XRCC5: variants seen among roughly 807,000 people sequenced by gnomAD.
The protein encoded by XRCC5 is DNA repair protein Ku80.
XRCC5 carries 12 observed loss-of-function variants against 95.7 expected under a neutral mutation model. The observed-to-expected ratio is 0.13, with a 90% CI of 0.08 to 0.20. XRCC5 has a LOEUF of 0.20. XRCC5 is among the 10% of genes least tolerant of loss of function. The pLI is 1.00. For synonymous variants in XRCC5, 281 were observed against 290.3 expected (o/e 0.97, Z 0.33); for missense variants, 595 against 873.9 (o/e 0.68, Z 4.02).
At chr2:216,110,523 G>A (rs941265367) in intron 1 of XRCC5, 3 of 152,206 alleles carry the variant, frequency 2.0e-5, no homozygotes, top group African/African-American at 7.2e-5. Context: ...TGAACTGGAA[G>A]TAAAATTCTA....
chr2:216,131,096 T>C (rs1490672657), intron 9 of XRCC5, 109 bp downstream of exon 9: 8 of 1,420,656 alleles, frequency 5.6e-6, no homozygotes, highest in Non-Finnish European at 6.5e-6. Flanking sequence ...CTTTTAATTT[T>C]TCTAAAATGT....
chr2:216,174,017 G>A lies in XRCC5; in HGVS notation c.1834+11969G>A, dbSNP rs531547093. Among the ~76,000 whole-genome samples, 11 of 152,258 alleles carry A rather than the reference G, an allele frequency of 7.2e-5. No homozygotes were observed. In the South Asian group the frequency reaches 1.9e-3, roughly 26 times the overall value. On this transcript the variant is annotated intron_variant, in intron 16 of 20. Coordinates refer to ENST00000392132, the MANE Select transcript of XRCC5 (RefSeq NM_021141.4). ...TTTCTTGTTTTGTGTGATGTCTTTG[G>A]TTTTGGTAACAGGAAAATACTGGAC... is the stretch of plus-strand genomic sequence containing the variant.
chr2:216,201,457 T>C (rs1689832101), intron 19 of XRCC5, among the ~76,000 whole-genome samples: 1 of 152,198 alleles, frequency 6.6e-6, no homozygotes. Flanking sequence ...GCAGTTTCTA[T>C]ATAGAGGTTA....
At position 216,148,166 on chromosome 2, in the gene XRCC5, T is replaced by C; in HGVS notation, c.1560T>C (p.Ala520=). ...TTTGGAATATGCTGAATCCTCCCGCTGAGGTGACAACAAAAAGTCAGATTC... is the reference window on the plus strand; with the variant it reads ...TTTGGAATATGCTGAATCCTCCCGCCGAGGTGACAACAAAAAGTCAGATTC... ...QHIWNMLNPP[A]EVTTKSQIPL... is the part of the protein sequence containing the mutation. Residue 520 remains alanine, a synonymous_variant, in exon 14 of 21, where the codon GCT becomes GCC. Transcript: ENST00000392132. 6.2e-7 allele frequency: 1 copy of C among 1,614,148 alleles called. No individual in the cohort carries two copies. Among genetic ancestry groups the C allele is most frequent in the Non-Finnish European group, 8.5e-7 (1 of 1,180,006 alleles).
At position 216,179,885 on chromosome 2, in the gene XRCC5, A is replaced by T. The variant is rs550095531; in HGVS notation, c.1835-10340A>T. On this transcript the variant is annotated intron_variant, in intron 16 of 20. Coordinates refer to ENST00000392132, the MANE Select transcript of XRCC5 (RefSeq NM_021141.4). ...AAAAGGGCAAGGTTGAGGTAGGCAG[A>T]TGAGTTAGAAGGCTTCGGCGTTAAT... Among the ~76,000 whole-genome samples the T allele has an allele frequency of 2.6e-5, 4 of 152,338 alleles. No homozygotes were observed. The South Asian group carries it at 8.3e-4, about 32-fold the overall frequency.
intron 13 of XRCC5, among the ~76,000 whole-genome samples, chr2:216,145,579 A>AT (rs1051416259): frequency 6.6e-6 from 1 of 152,122 alleles, no homozygotes; most frequent in Non-Finnish European, 1.5e-5. Context: ...TCATAATCCC[A>AT]TTTTTTTAGT....
At chr2:216,183,741 G>A (rs751725694) in intron 16 of XRCC5, among the ~76,000 whole-genome samples, 7 of 152,150 alleles carry the variant, frequency 4.6e-5, no homozygotes, top group Non-Finnish European at 8.8e-5. Flanking sequence ...TCTAGAAGGT[G>A]GAAGAACTGT....
intron 15 of XRCC5, 99 bp from the exon 16 acceptor site, chr2:216,161,880 A>C (rs974104221): frequency 2.1e-6 from 2 of 966,262 alleles, no homozygotes. Flanking sequence ...GTTTTATTTT[A>C]TAAGAGCACA....
At position 216,156,377 on chromosome 2, in the gene XRCC5, A is replaced by C. The variant is rs541683472; in HGVS notation, c.1671-3691A>C. The C allele has an allele frequency of 9.2e-5, 72 of 784,794 alleles. No homozygotes were observed. In the African/African-American group the frequency reaches 1.1e-3, roughly 12 times the overall value. The allele number at this position is 784,794 out of a possible 1,614,324, so 48.6% of individuals were successfully genotyped here. ...TCTGCTGTTGTGGGGTCTTTGGGCA[A>C]CCCTTCAATTTAAGTGCTTGGCAAC... is the stretch of plus-strand genomic sequence containing the variant. On this transcript the variant is annotated intron_variant, in intron 14 of 20. Coordinates refer to ENST00000392132, the MANE Select transcript of XRCC5 (RefSeq NM_021141.4).
Position 216,205,358 on chromosome 2 carries a change from G to C in XRCC5, c.*156G>C. 1.3e-6 allele frequency: 1 copy of C among 797,882 alleles called. No homozygotes were observed. Among genetic ancestry groups the C allele is most frequent in the Non-Finnish European group, 2.2e-6 (1 of 454,158 alleles). 49.4% of individuals were successfully genotyped at this position (797,882 alleles called of 1,614,324 possible). On this transcript the variant is annotated 3_prime_UTR_variant, in exon 21 of 21. Transcript: ENST00000392132. ...CGGATCATCTAATTCTCTGTGGAAT[G>C]AATACACACATATATATTACAAGGG...
chr2:216,161,495 A>G (rs1688949909), intron 15 of XRCC5, among the ~76,000 whole-genome samples: 1 of 152,246 alleles, frequency 6.6e-6, no homozygotes, highest in Non-Finnish European at 1.5e-5. Context: ...ATATTCTACC[A>G]AAACTTCAGT....
rs1689559897 is a variant in XRCC5, at chr2:216,188,935, A to C, written c.1835-1290A>C. ...AGTGCTTTCTTATAATGGAGATCAT[A>C]ATCTCCGAGTTGGTAGAAGGGATGA... On this transcript the variant is annotated intron_variant, in intron 16 of 20. Coordinates refer to ENST00000392132, the MANE Select transcript of XRCC5 (RefSeq NM_021141.4). Among the ~76,000 whole-genome samples, 6 of 152,234 alleles carry C rather than the reference A, an allele frequency of 3.9e-5. 1 individual carries two copies. The South Asian group carries it at 1.2e-3, about 32-fold the overall frequency.
At chr2:216,200,195 T>C (rs1689810396) in intron 19 of XRCC5, among the ~76,000 whole-genome samples, 1 of 152,142 alleles carries the variant, frequency 6.6e-6, no homozygotes, top group South Asian at 2.1e-4. Context: ...CACCTTATAA[T>C]GCCGCCAACC....
At chr2:216,117,462 T>G (rs1574451205) in intron 3 of XRCC5, 1 of 423,756 alleles carries the variant, frequency 2.4e-6, no homozygotes, top group East Asian at 3.8e-5. Context: ...CAAGAATGGG[T>G]TCTAGATACT....
chr2:216,145,093 G>T (rs957537945), intron 13 of XRCC5, among the ~76,000 whole-genome samples: 2 of 152,124 alleles, frequency 1.3e-5, no homozygotes, highest in Non-Finnish European at 2.9e-5. Context: ...CCAGTTTGAG[G>T]ACTTTGGGGA....
chr2:216,131,055 G>T, intron 9 of XRCC5, 68 bp downstream of exon 9: 1 of 1,466,554 alleles, frequency 6.8e-7, no homozygotes, highest in South Asian at 1.2e-5. Flanking sequence ...CTTTTGATTG[G>T]TCATTTTATT....
At chr2:216,128,875 C>T (rs771241251) in intron 8 of XRCC5, among the ~76,000 whole-genome samples, 21 of 152,220 alleles carry the variant, frequency 1.4e-4, no homozygotes, top group Admixed American at 4.6e-4. Flanking sequence ...CACTCGTTCA[C>T]ATATTCAAAG....
chr2:216,187,742 TTAAA>T (rs1279848239), intron 16 of XRCC5, among the ~76,000 whole-genome samples: 1 of 148,058 alleles, frequency 6.8e-6, no homozygotes, highest in Non-Finnish European at 1.5e-5. Context: ...ACTCTTTCCT[TTAAA>T]TAATCTCTTC....
intron 16 of XRCC5, among the ~76,000 whole-genome samples, chr2:216,168,926 A>G (rs1244567081): frequency 1.3e-5 from 2 of 152,216 alleles, no homozygotes; most frequent in African/African-American, 2.4e-5. Flanking sequence ...CAAATACTGG[A>G]TTTTTTACTT....
Sources: gnomAD v4.1 joint callset for allele counts (sites outside exome capture counted in the v4.1 genomes callset) on GRCh38, gnomAD v4.1.1 for gene constraint, MANE v1.5 for transcripts, NCBI Gene and HGNC (gene_info 2026-07-23, HGNC 2026-07-21) for gene names.